The following ZFR2 variants were observed in gnomAD, a reference collection of about 807,000 sequenced individuals.
ZFR2 encodes the protein zinc finger RNA-binding protein 2.
ZFR2 carries 104 observed loss-of-function variants against 105.7 expected under a neutral mutation model. That is an observed-to-expected ratio of 0.98 (90% CI 0.84 to 1.16). The LOEUF (loss-of-function observed/expected upper bound fraction) is 1.16, where lower values mean the gene tolerates loss of function less well. ZFR2 is among the 50% of genes most tolerant of loss of function. The pLI is 0.00. For synonymous variants in ZFR2, 634 were observed against 597.7 expected (o/e 1.06, Z -0.89); for missense variants, 1,425 against 1,355.5 (o/e 1.05, Z -0.80).
At chr19:3,832,939 C>G (rs1465979984) in intron 3 of ZFR2, among the ~76,000 whole-genome samples, 1 of 151,566 alleles carries the variant, frequency 6.6e-6, no homozygotes, top group East Asian at 2.0e-4. Context: ...CGTGCCCGGC[C>G]TCTAGGATGG....
chr19:3,807,565 C>T lies in ZFR2; in HGVS notation c.2546-296G>A, dbSNP rs1269241282. 6.6e-5 allele frequency among the ~76,000 whole-genome samples: 10 copies of T among 151,378 alleles called. No individual in the cohort carries two copies. The East Asian group carries it at 1.8e-3, about 27-fold the overall frequency. On this transcript the variant is annotated intron_variant, in intron 17 of 18. Coordinates refer to ENST00000262961, the MANE Select transcript of ZFR2 (RefSeq NM_015174.2). ...TATACACATACGCTGACGTGTGTGT[C>T]CATGCGTGCCCATGTGCACGTGTGT...
intron 1 of ZFR2, chr19:3,852,098 G>A (rs1347513323): frequency 6.2e-6 from 2 of 325,036 alleles, no homozygotes; most frequent in African/African-American, 4.3e-5. Flanking sequence ...CCAAGGCGGT[G>A]CTCAGCTGGG....
Position 3,831,251 on chromosome 19 carries a change from G to A in ZFR2, c.852+52C>T, listed in dbSNP as rs1042768389. The A allele has an allele frequency of 9.7e-6, 14 of 1,444,520 alleles. No homozygotes were observed. The Admixed American group carries it at 1.7e-4, about 17-fold the overall frequency. 89.5% of individuals were successfully genotyped at this position (1,444,520 alleles called of 1,614,324 possible). ...CCGGCGCCCACATTCGGGTTCAGAC[G>A]TTGGGGACAGAGAGGTCCCTGGGGC... On this transcript the variant is annotated intron_variant, in intron 5 of 18. Transcript: ENST00000262961.
intron 1 of ZFR2, among the ~76,000 whole-genome samples, chr19:3,850,376 G>A (rs571502315): frequency 2.4e-4 from 37 of 152,208 alleles, no homozygotes; most frequent in African/African-American, 8.9e-4. Context: ...CCAGTGCCAG[G>A]TAGAACCTGG....
At chr19:3,812,950 G>A (rs1034880309) in intron 14 of ZFR2, among the ~76,000 whole-genome samples, 12 of 152,048 alleles carry the variant, frequency 7.9e-5, no homozygotes, top group African/African-American at 2.2e-4. Flanking sequence ...GTATAGTGGC[G>A]CACACCTGTA....
intron 1 of ZFR2, among the ~76,000 whole-genome samples, chr19:3,866,974 C>CTCCTCA (rs1447518999): frequency 6.6e-6 from 1 of 152,224 alleles, no homozygotes; most frequent in Non-Finnish European, 1.5e-5. Context: ...CTCATTCCCA[C>CTCCTCA]AGCCCTGGTT....
intron 1 of ZFR2, among the ~76,000 whole-genome samples, chr19:3,844,024 GT>G (rs2038163657): frequency 7.1e-5 from 10 of 140,202 alleles, no homozygotes; most frequent in Non-Finnish European, 1.1e-4. Context: ...GGGGGGGGGG[GT>G]GCCAGGGACC....
intron 1 of ZFR2, chr19:3,855,433 C>T (rs1419991054): frequency 4.9e-6 from 6 of 1,231,684 alleles, no homozygotes; most frequent in South Asian, 4.1e-5. Flanking sequence ...CCCGGGCGAT[C>T]CGGCGGCAGA....
At chr19:3,855,637 G>C (rs2038288961) in intron 1 of ZFR2, 1 of 412,736 alleles carries the variant, frequency 2.4e-6, no homozygotes, top group South Asian at 1.4e-4. Context: ...CGCCGGGAAG[G>C]ACGCGGCAAG....
chr19:3,863,885 C>G (rs1476015239), intron 1 of ZFR2, among the ~76,000 whole-genome samples: 2 of 152,160 alleles, frequency 1.3e-5, no homozygotes, highest in African/African-American at 4.8e-5. Flanking sequence ...CTTTCCTCAT[C>G]AGCAAAATGG....
chr19:3,863,001 T>A (rs2038389810), intron 1 of ZFR2, among the ~76,000 whole-genome samples: 1 of 151,952 alleles, frequency 6.6e-6, no homozygotes, highest in African/African-American at 2.4e-5. Context: ...GTGGTAGGAG[T>A]CCATTTACAG....
At chr19:3,843,788 T>A (rs111550288) in intron 1 of ZFR2, among the ~76,000 whole-genome samples, 1 of 146,514 alleles carries the variant, frequency 6.8e-6, no homozygotes, top group East Asian at 2.0e-4. Context: ...TGAGCAGAGA[T>A]CACACCACTG....
intron 14 of ZFR2, among the ~76,000 whole-genome samples, chr19:3,812,089 G>A (rs558411636): frequency 4.9e-4 from 75 of 152,152 alleles, no homozygotes; most frequent in Middle Eastern, 3.4e-3. Context: ...GATTACCGGC[G>A]CACGCCACCA....
chr19:3,852,196 G>A, intron 1 of ZFR2: 1 of 490,226 alleles, frequency 2.0e-6, no homozygotes. Context: ...GCCAAGGCGG[G>A]GCTCAGCTGG....
intron 3 of ZFR2, 146 bp downstream of exon 3, chr19:3,833,518 G>T: frequency 1.6e-6 from 1 of 606,804 alleles, no homozygotes; most frequent in Non-Finnish European, 2.8e-6. Context: ...GAAGCTTGCA[G>T]TGAGCCGAGA....
intron 1 of ZFR2, among the ~76,000 whole-genome samples, chr19:3,853,262 G>A (rs554271361): frequency 2.3e-4 from 35 of 152,258 alleles, no homozygotes; most frequent in African/African-American, 8.4e-4. Context: ...AGCCCTCCCC[G>A]GGTTCCCAGC....
At chr19:3,867,306 G>GC (rs1056214030) in intron 1 of ZFR2, among the ~76,000 whole-genome samples, 11 of 150,990 alleles carry the variant, frequency 7.3e-5, no homozygotes, top group East Asian at 5.8e-4. Context: ...TCAACTGTTG[G>GC]GGGGGGAATC....
chr19:3,869,023 C>G lies in ZFR2; in HGVS notation c.-6G>C. 7.3e-7 allele frequency: 1 copy of G among 1,361,558 alleles called. No individual in the cohort carries two copies. 84.3% of individuals were successfully genotyped at this position (1,361,558 alleles called of 1,614,324 possible). A position where few individuals can be genotyped will look rare whatever the true frequency, so the allele number is the denominator to read the frequency against. On this transcript the variant is annotated 5_prime_UTR_variant, in exon 1 of 19. Transcript: ENST00000262961. ...AAATACTGACTCGTCGCCATCTTGG[C>G]GTCTTCCCCGAGCCTGGCGGACCCG...
At chr19:3,859,067 G>A (rs2038339947) in intron 1 of ZFR2, among the ~76,000 whole-genome samples, 1 of 152,148 alleles carries the variant, frequency 6.6e-6, no homozygotes, top group African/African-American at 2.4e-5. Context: ...TTGAGCCGGT[G>A]GACAGGGAGA....
Sources: allele counts gnomAD v4.1 joint callset (sites outside exome capture counted in the v4.1 genomes callset), GRCh38; gene constraint gnomAD v4.1.1; transcripts MANE v1.5; gene names NCBI Gene and HGNC (gene_info 2026-07-23, HGNC 2026-07-21).